The following HSPH1 variants were observed in gnomAD, a reference collection of about 807,000 sequenced individuals.
HSPH1 encodes the protein heat shock protein 105 kDa.
In HSPH1, 40 loss-of-function variants were observed where a neutral mutation model predicts 100.0. The ratio of observed to expected loss-of-function variants is 0.40; its 90% CI spans 0.31 to 0.52. The LOEUF is 0.52. Ranked by LOEUF, HSPH1 falls within the 20% of genes least tolerant of loss-of-function variation. The pLI is 0.54. For missense variants in HSPH1, 876 were observed against 1,015.1 expected (o/e 0.86, Z 1.86); for synonymous variants, 403 against 344.0 (o/e 1.17, Z -1.90).
chr13:31,160,216 G>C (rs1174068035), intron 1 of HSPH1, among the ~76,000 whole-genome samples: 1 of 152,088 alleles, frequency 6.6e-6, no homozygotes, highest in Non-Finnish European at 1.5e-5. Flanking sequence ...ATCTAGGCAT[G>C]AAAGCCTGAA....
In HSPH1 at chr13:31,151,334, G is replaced by A. The variant is rs1566008997; in HGVS notation, c.664-143C>T. Reference sequence around the variant, plus strand: ...ATAACATGAAATCCAAATCAGTCAGGAATAAATCTCTAAGATATTTTTGAC... The same window carrying A: ...ATAACATGAAATCCAAATCAGTCAGAAATAAATCTCTAAGATATTTTTGAC... On this transcript the variant is annotated intron_variant, in intron 6 of 17. Coordinates refer to ENST00000320027, the MANE Select transcript of HSPH1 (RefSeq NM_006644.4). The A allele has an allele frequency of 7.8e-6, 6 of 773,192 alleles. No individual in the cohort carries two copies. The East Asian group carries it at 1.4e-4, about 18-fold the overall frequency. 47.9% of individuals were successfully genotyped at this position (773,192 alleles called of 1,614,324 possible).
At chr13:31,159,606 A>T (rs981942388) in intron 1 of HSPH1, among the ~76,000 whole-genome samples, 1 of 152,206 alleles carries the variant, frequency 6.6e-6, no homozygotes, top group Non-Finnish European at 1.5e-5. Flanking sequence ...TGTGAGAAGA[A>T]GGTAAGTGAA....
At position 31,154,773 on chromosome 13, in the gene HSPH1, A is replaced by G; in HGVS notation, c.307-18T>C. On this transcript the variant is annotated intron_variant, in intron 3 of 17. Coordinates refer to ENST00000320027, the MANE Select transcript of HSPH1 (RefSeq NM_006644.4). The stretch of plus-strand genomic sequence containing the variant: ...TACATTACCTATATTGAAGGGAAAA[A>G]ATGTTTTAAACATTGTAGTACTTTA... 1 of 1,607,254 alleles carries G rather than the reference A, an allele frequency of 6.2e-7. No individual in the cohort carries two copies. The highest frequency in any genetic ancestry group is 1.1e-5 in the South Asian group (1 of 90,504).
chr13:31,152,778 A>G (rs1956533457), intron 5 of HSPH1, 74 bp downstream of exon 5: 1 of 1,030,062 alleles, frequency 9.7e-7, no homozygotes, highest in Non-Finnish European at 1.5e-6. Flanking sequence ...CTGTATCTAT[A>G]AGAAAGTAAT....
intron 10 of HSPH1, among the ~76,000 whole-genome samples, chr13:31,146,807 C>T (rs1451215121): frequency 1.3e-5 from 2 of 152,114 alleles, no homozygotes; most frequent in Admixed American, 1.3e-4. Flanking sequence ...GTTATAGCCA[C>T]AAGTAAGTAC....
At chr13:31,162,322 ATGGTGGGGAGGCCGGCCAGCTGTCCGG>A (rs1281340358), upstream of HSPH1, 9 of 585,374 alleles carry the variant, frequency 1.5e-5, no homozygotes, top group East Asian at 2.6e-4. Flanking sequence ...AGACACCGGG[ATGGTGGGGAGGCCGGCCAGCTGTCCGG>A]AGAGCATGTT....
chr13:31,136,934 T>C lies in HSPH1; in HGVS notation c.*384A>G, dbSNP rs534953933. On this transcript the variant is annotated 3_prime_UTR_variant, in exon 18 of 18. Coordinates refer to ENST00000320027, the MANE Select transcript of HSPH1 (RefSeq NM_006644.4). ...CATCCACACCCACACACATGCTGAA[T>C]GGAGAGCAAAATGCAAGAAAACTAC... The C allele has an allele frequency of 9.6e-6, 3 of 312,396 alleles. No homozygotes were observed. Among genetic ancestry groups the C allele is most frequent in the South Asian group, 6.1e-5 (2 of 32,936 alleles). 19.4% of individuals were successfully genotyped at this position (312,396 alleles called of 1,614,324 possible).
intron 10 of HSPH1, among the ~76,000 whole-genome samples, chr13:31,147,250 A>C (rs1956295994): frequency 6.6e-6 from 1 of 152,188 alleles, no homozygotes. Flanking sequence ...AATTCATGAA[A>C]ACTGTTTTTA....
At chr13:31,137,609 A>G in intron 17 of HSPH1, 85 bp from the exon 18 acceptor site, 6 of 926,576 alleles carry the variant, frequency 6.5e-6, no homozygotes, top group Non-Finnish European at 3.3e-6. Flanking sequence ...TCAACCCACT[A>G]TTTTTCTACC....
chr13:31,154,906 AAGGGAAGGGGAAGG>A (rs1408519779), intron 3 of HSPH1, 151 bp from the exon 4 acceptor site: 16 of 658,652 alleles, frequency 2.4e-5, no homozygotes, highest in Non-Finnish European at 3.7e-5. Flanking sequence ...AAGGAGGAAA[AAGGGAAGGGGAAGG>A]AGGGAAGGGG....
At chr13:31,147,691 C>CAT (rs970611011) in intron 10 of HSPH1, among the ~76,000 whole-genome samples, 8 of 151,792 alleles carry the variant, frequency 5.3e-5, no homozygotes, top group African/African-American at 1.5e-4. Flanking sequence ...TTAAAGTGTT[C>CAT]ATATATATAT....
chr13:31,152,788 T>C (rs747934635), intron 5 of HSPH1, 64 bp downstream of exon 5: 7 of 1,099,190 alleles, frequency 6.4e-6, no homozygotes, highest in African/African-American at 3.1e-5. Context: ...AAGAAAGTAA[T>C]AGCACTGAGA....
Position 31,161,812 on chromosome 13 carries a change from G to C in HSPH1, c.-230C>G. ...TGATAAGAAACCCTGGGAGAAAGCG[G>C]GGCTCAGCCTCCGCAGGTCGCTCCG... On this transcript the variant is annotated 5_prime_UTR_variant, in exon 1 of 18. Coordinates refer to ENST00000320027, the MANE Select transcript of HSPH1 (RefSeq NM_006644.4). The C allele has an allele frequency of 1.4e-6, 2 of 1,481,098 alleles. No individual in the cohort carries two copies. Among genetic ancestry groups the C allele is most frequent in the Non-Finnish European group, 1.8e-6 (2 of 1,117,416 alleles). The allele number at this position is 1,481,098 out of a possible 1,614,324, so 91.7% of individuals were successfully genotyped here.
intron 12 of HSPH1, among the ~76,000 whole-genome samples, chr13:31,143,455 T>C (rs111756617): frequency 3.9e-5 from 6 of 152,250 alleles, no homozygotes; most frequent in African/African-American, 1.2e-4. Flanking sequence ...AAACTAATCA[T>C]GTAGCCCTGG....
At chr13:31,147,106 A>G (rs1423108406) in intron 10 of HSPH1, among the ~76,000 whole-genome samples, 1 of 152,152 alleles carries the variant, frequency 6.6e-6, no homozygotes, top group Admixed American at 6.5e-5. Context: ...TTCAGTTTCA[A>G]TCAAACATGA....
In HSPH1 at chr13:31,145,753, T is replaced by C; in HGVS notation, c.1394A>G (p.Gln465Arg). 6.2e-7 allele frequency: 1 copy of C among 1,613,482 alleles called. No individual in the cohort carries two copies. The highest frequency in any genetic ancestry group is 8.5e-7 in the Non-Finnish European group (1 of 1,179,606). ...PEAKIGRFVV[Q>R]NVSAQKDGEK... ...TCCATCTTTCTGTGCAGAAACATTC[T>C]GAACTACAAAGCGGCCTAGAACAAC... is the stretch of plus-strand genomic sequence containing the variant. The change falls in exon 11 of 18, where the codon CAG (glutamine) becomes CGG (arginine). Residue 465 changes from glutamine to arginine, a missense_variant. Physicochemically the swap from Gln to Arg is conservative, Grantham distance 43. Coordinates refer to ENST00000320027, the MANE Select transcript of HSPH1 (RefSeq NM_006644.4).
chr13:31,150,628 A>G (rs1956453104), intron 7 of HSPH1, among the ~76,000 whole-genome samples: 1 of 152,186 alleles, frequency 6.6e-6, no homozygotes. Flanking sequence ...TTCAATGGTT[A>G]TTTCCAGTCC....
At chr13:31,141,101 A>G (rs1956072990) in intron 13 of HSPH1, 21 bp downstream of exon 13, 1 of 1,435,894 alleles carries the variant, frequency 7.0e-7, no homozygotes. Flanking sequence ...CAAAATAAAA[A>G]TATTTAATTG....
At chr13:31,150,780 A>T (rs925548248) in intron 7 of HSPH1, among the ~76,000 whole-genome samples, 167 bp downstream of exon 7, 1 of 152,202 alleles carries the variant, frequency 6.6e-6, no homozygotes, top group Non-Finnish European at 1.5e-5. Context: ...TCTTCACATA[A>T]GTGCCCCTAG....
Sources: allele counts gnomAD v4.1 joint callset (sites outside exome capture counted in the v4.1 genomes callset), GRCh38; gene constraint gnomAD v4.1.1; transcripts MANE v1.5; gene names NCBI Gene and HGNC (gene_info 2026-07-23, HGNC 2026-07-21).